Variants in WDFY3 observed in about 807,000 individuals in gnomAD.
The protein encoded by WDFY3 is WD repeat and FYVE domain-containing protein 3.
In WDFY3, 66 loss-of-function variants were observed where a neutral mutation model predicts 409.6. That is an observed-to-expected ratio of 0.16 (90% confidence interval 0.13 to 0.20). The LOEUF is 0.20. WDFY3 is among the 10% of genes least tolerant of loss of function. The pLI, the probability that WDFY3 is intolerant of heterozygous loss-of-function variation, is 1.00. For missense variants in WDFY3, 3,031 were observed against 4,298.1 expected, an observed-to-expected ratio of 0.71 and a Z score of 8.24; for synonymous variants, 1,521 against 1,537.1, an observed-to-expected ratio of 0.99 and a Z score of 0.25.
Position 84,696,190 on chromosome 4 carries a change from T to A in WDFY3, c.8689-8A>T. The A allele has an allele frequency of 6.2e-7, 1 of 1,613,570 alleles. No individual in the cohort carries two copies. Among genetic ancestry groups the A allele is most frequent in the Non-Finnish European group, 8.5e-7 (1 of 1,179,714 alleles). ...GTAATCACACTCCAAAGCCTGTAAT[T>A]TCAAACATAGGTTTAGTCACTGGCT... On this transcript the variant is annotated splice_polypyrimidine_tract_variant and splice_region_variant and intron_variant, in intron 57 of 67. Transcript: ENST00000295888.
At chr4:84,680,387 C>T (rs1468608071) in intron 64 of WDFY3, among the ~76,000 whole-genome samples, 1 of 152,084 alleles carries the variant, frequency 6.6e-6, no homozygotes, top group Non-Finnish European at 1.5e-5. Context: ...CCTCCTGAGC[C>T]CAGGGAATCT....
At position 84,678,986 on chromosome 4, in the gene WDFY3, C is replaced by A. The variant is rs763851458; in HGVS notation, c.10080G>T (p.Leu3360=). Residue 3360 remains leucine, a synonymous_variant, in exon 65 of 68, where the codon CTG becomes CTT. Coordinates refer to ENST00000295888, the MANE Select transcript of WDFY3 (RefSeq NM_014991.6). ...NYSEGQTRAH[L]QGPLSHPHPN... is the part of the protein sequence containing the mutation. ...GGTGGGGGTGGCTAAGGGGGCCCTG[C>A]AGATGGGCTCTGGTCTGGCCCTCTG... 6.2e-7 allele frequency: 1 copy of A among 1,614,210 alleles called. No individual in the cohort carries two copies. Among genetic ancestry groups the A allele is most frequent in the Non-Finnish European group, 8.5e-7 (1 of 1,180,030 alleles).
At chr4:84,695,123 C>G (rs1729873124) in intron 58 of WDFY3, among the ~76,000 whole-genome samples, 1 of 152,078 alleles carries the variant, frequency 6.6e-6, no homozygotes, top group Non-Finnish European at 1.5e-5. Context: ...GCAGTTACTT[C>G]TGGTGCACCC....
intron 21 of WDFY3, among the ~76,000 whole-genome samples, chr4:84,793,545 A>C (rs1025545223): frequency 6.6e-6 from 1 of 152,230 alleles, no homozygotes; most frequent in East Asian, 1.9e-4. Flanking sequence ...ACACTGGAGA[A>C]TACTACTTCT....
At position 84,735,041 on chromosome 4, in the gene WDFY3, A is replaced by AC; in HGVS notation, c.6993+1dup. 1 of 1,609,846 alleles carries AC rather than the reference A, an allele frequency of 6.2e-7. No individual in the cohort carries two copies. Among genetic ancestry groups the AC allele is most frequent in the Non-Finnish European group, 8.5e-7 (1 of 1,177,502 alleles). ...ACCATTATGATGATTATAAGTCCTT[A>AC]CCTCCTGATATTCTTTATATTGTGT... On this transcript the variant is annotated splice_donor_variant, in intron 43 of 67. Transcript: ENST00000295888. LOFTEE classifies it high-confidence loss of function.
chr4:84,879,704 G>A (rs1056376846), intron 3 of WDFY3, among the ~76,000 whole-genome samples: 10 of 152,024 alleles, frequency 6.6e-5, no homozygotes, highest in African/African-American at 2.4e-4. Flanking sequence ...TAGAAATTGG[G>A]AGAGAAATAT....
chr4:84,914,188 G>A (rs934843912), intron 2 of WDFY3, among the ~76,000 whole-genome samples: 15 of 152,072 alleles, frequency 9.9e-5, no homozygotes, highest in Admixed American at 5.2e-4. Context: ...TTGGGAGGCC[G>A]AGGCGGGCGG....
intron 34 of WDFY3, among the ~76,000 whole-genome samples, chr4:84,754,276 T>G (rs1452208510): frequency 6.6e-6 from 1 of 152,192 alleles, no homozygotes; most frequent in Non-Finnish European, 1.5e-5. Flanking sequence ...TTCACCTTTC[T>G]GAGCCTCACT....
intron 8 of WDFY3, 103 bp from the exon 9 acceptor site, chr4:84,829,293 AT>A (rs1180878014): frequency 3.2e-6 from 3 of 945,244 alleles, no homozygotes; most frequent in Non-Finnish European, 4.6e-6. Flanking sequence ...ATTTTAACAT[AT>A]CTGTAAAATA....
Position 84,700,449 on chromosome 4 carries a change from C to G in WDFY3, c.8596+1904G>C, listed in dbSNP as rs1249544747. On this transcript the variant is annotated intron_variant, in intron 56 of 67. Transcript: ENST00000295888. ...GAACACCTGAGCTCAAGTGATCCAC[C>G]TGCCTTGGCCTCCCAAAGTGCTGGG... Among the ~76,000 whole-genome samples, 5 of 152,196 alleles carry G rather than the reference C, an allele frequency of 3.3e-5. No individual in the cohort carries two copies. The South Asian group carries it at 6.2e-4, about 19-fold the overall frequency.
intron 1 of WDFY3, among the ~76,000 whole-genome samples, chr4:84,940,870 T>G (rs527754046): frequency 5.3e-5 from 8 of 151,942 alleles, no homozygotes; most frequent in Non-Finnish European, 1.2e-4. Flanking sequence ...TAATTCAATA[T>G]TCAAAAAATT....
chr4:84,909,769 A>AT (rs1270470537), intron 2 of WDFY3, among the ~76,000 whole-genome samples: 4 of 151,940 alleles, frequency 2.6e-5, no homozygotes, highest in South Asian at 2.1e-4. Context: ...TCATTATTGC[A>AT]TTTTTTCTGC....
At chr4:84,901,467 C>T (rs1382883180) in intron 2 of WDFY3, among the ~76,000 whole-genome samples, 1 of 152,106 alleles carries the variant, frequency 6.6e-6, no homozygotes, top group Non-Finnish European at 1.5e-5. Context: ...GCAAGCAGGC[C>T]CCCACCAGAG....
At chr4:84,911,494 A>AT (rs1461266188) in intron 2 of WDFY3, among the ~76,000 whole-genome samples, 7 of 152,200 alleles carry the variant, frequency 4.6e-5, no homozygotes, top group Admixed American at 1.3e-4. Flanking sequence ...CTCTTAAAAA[A>AT]GAAAAAAGGG....
At position 84,833,667 on chromosome 4, in the gene WDFY3, A is replaced by AAAAGAAAAGAAAAGC. The variant is rs1196387037; in HGVS notation, c.577-2063_577-2062insGCTTTTCTTTTCTTT. The stretch of plus-strand genomic sequence containing the variant: ...AGACCTTGTCTCAAAAGAGAAAAAG[A>AAAAGAAAAGAAAAGC]AAAGAAAAGAAAAGAAAAGAAAAGA... On this transcript the variant is annotated intron_variant, in intron 7 of 67. Coordinates refer to ENST00000295888, the MANE Select transcript of WDFY3 (RefSeq NM_014991.6). Among the ~76,000 whole-genome samples, 11 of 149,122 alleles carry AAAAGAAAAGAAAAGC rather than the reference A, an allele frequency of 7.4e-5. No homozygotes were observed. The East Asian group carries it at 1.8e-3, about 24-fold the overall frequency.
chr4:84,891,690 T>C (rs1478207493), intron 3 of WDFY3, among the ~76,000 whole-genome samples: 12 of 152,128 alleles, frequency 7.9e-5, no homozygotes, highest in African/African-American at 2.9e-4. Context: ...TTTACCTCCT[T>C]TCAGTGATTA....
At chr4:84,887,536 T>C (rs942932948) in intron 3 of WDFY3, among the ~76,000 whole-genome samples, 1 of 152,212 alleles carries the variant, frequency 6.6e-6, no homozygotes, top group Non-Finnish European at 1.5e-5. Context: ...GAACTCTCAT[T>C]TCCTGCCTCT....
intron 3 of WDFY3, among the ~76,000 whole-genome samples, chr4:84,864,565 T>C (rs907013802): frequency 4.6e-5 from 7 of 152,184 alleles, no homozygotes. Context: ...AGTGTACAAG[T>C]CTTTCACTTC....
Position 84,780,077 on chromosome 4 carries a change from G to A in WDFY3, c.4365+31C>T, listed in dbSNP as rs112408417. On this transcript the variant is annotated intron_variant, in intron 26 of 67. Coordinates refer to ENST00000295888, the MANE Select transcript of WDFY3 (RefSeq NM_014991.6). ...AAGCAGAGTATTTTAGGTGCCAGGT[G>A]AAGTGAAGGCAAAGTTTTACAGTTA... 3.9e-6 allele frequency: 6 copies of A among 1,526,626 alleles called. No individual in the cohort carries two copies. In the African/African-American group the frequency reaches 5.5e-5, roughly 14 times the overall value. 94.6% of individuals were successfully genotyped at this position (1,526,626 alleles called of 1,614,324 possible). A position where few individuals can be genotyped will look rare whatever the true frequency, so the allele number is the denominator to read the frequency against.
Sources: gnomAD v4.1 joint callset for allele counts (sites outside exome capture counted in the v4.1 genomes callset) on GRCh38, gnomAD v4.1.1 for gene constraint, MANE v1.5 for transcripts, NCBI Gene and HGNC (gene_info 2026-07-23, HGNC 2026-07-21) for gene names.